Variants in SPTBN1 observed in about 807,000 individuals in gnomAD.
The protein encoded by SPTBN1 is spectrin beta, non-erythrocytic 1.
Under a neutral mutation model 266.4 loss-of-function variants are expected in SPTBN1, and 32 were observed. The observed-to-expected ratio is 0.12, with a 90% CI of 0.09 to 0.16. SPTBN1 has a LOEUF of 0.16. Ranked by LOEUF, SPTBN1 falls within the 10% of genes least tolerant of loss-of-function variation. SPTBN1 has a pLI of 1.00. For synonymous variants in SPTBN1, 1,336 were observed against 1,162.2 expected, an observed-to-expected ratio of 1.15 and a Z score of -3.04; for missense variants, 2,296 against 3,067.1, an observed-to-expected ratio of 0.75 and a Z score of 5.94.
At chr2:54,507,802 C>CT (rs35551436) in intron 1 of SPTBN1, among the ~76,000 whole-genome samples, 65,589 of 139,744 alleles carry the variant, frequency 0.47, 15,459 homozygotes, top group African/African-American at 0.57. Flanking sequence ...ATAGAGTCCC[C>CT]TTTTTTTTTT....
chr2:54,583,917 C>T (rs757221982), intron 2 of SPTBN1, among the ~76,000 whole-genome samples: 3 of 152,076 alleles, frequency 2.0e-5, no homozygotes, highest in South Asian at 2.1e-4. Flanking sequence ...TTAATGGGAA[C>T]GCTCTTTAAA....
intron 4 of SPTBN1, 63 bp from the exon 5 acceptor site, chr2:54,616,144 C>G (rs1406361307): frequency 2.8e-6 from 4 of 1,412,282 alleles, no homozygotes; most frequent in African/African-American, 2.8e-5. Flanking sequence ...CAGACCTGTT[C>G]TTCAGTGGTT....
At chr2:54,667,500 G>T (rs1330056757) in intron 34 of SPTBN1, 104 bp from the exon 35 acceptor site, 12 of 1,108,644 alleles carry the variant, frequency 1.1e-5, no homozygotes, top group African/African-American at 1.6e-5. Flanking sequence ...CGCTTCTGTT[G>T]TGACTCCTGT....
At chr2:54,519,946 A>C (rs1036121816) in intron 1 of SPTBN1, among the ~76,000 whole-genome samples, 3 of 151,862 alleles carry the variant, frequency 2.0e-5, no homozygotes. Context: ...TCAGCGAGGG[A>C]GTGGTGGAGG....
intron 4 of SPTBN1, among the ~76,000 whole-genome samples, chr2:54,613,442 C>A (rs1001533750): frequency 1.5e-4 from 23 of 152,192 alleles, no homozygotes; most frequent in African/African-American, 5.3e-4. Flanking sequence ...TCTCACTTGC[C>A]CTACGATTGG....
intron 3 of SPTBN1, among the ~76,000 whole-genome samples, chr2:54,605,821 A>G (rs1676798356): frequency 6.6e-6 from 1 of 152,030 alleles, no homozygotes; most frequent in African/African-American, 2.4e-5. Flanking sequence ...TATCTTGTTT[A>G]TTCTTGTTAT....
At chr2:54,471,962 C>T (rs1414564526) in intron 1 of SPTBN1, among the ~76,000 whole-genome samples, 1 of 150,872 alleles carries the variant, frequency 6.6e-6, no homozygotes, top group Non-Finnish European at 1.5e-5. Context: ...CTCTGCTCAC[C>T]CAACTCACTG....
chr2:54,665,449 T>TA (rs1386459973), intron 33 of SPTBN1, among the ~76,000 whole-genome samples: 5 of 152,230 alleles, frequency 3.3e-5, no homozygotes, highest in African/African-American at 1.2e-4. Context: ...AAAGGTACTG[T>TA]AAGTGCTGAT....
In SPTBN1 at chr2:54,646,592, A is replaced by G; in HGVS notation, c.4866+117A>G. ...ACTTCCCTTGTAGCCTTTGAGTGTT[A>G]AGGGGACACCATGTGCATGAAGGTG... is the stretch of plus-strand genomic sequence containing the variant. On this transcript the variant is annotated intron_variant, in intron 23 of 35. Transcript: ENST00000356805. This position sits in a 1 kb window ranked among gnomAD's most constrained non-coding sequence, Gnocchi z 4.4. 1.6e-6 allele frequency: 2 copies of G among 1,217,036 alleles called. No individual in the cohort carries two copies. The highest frequency in any genetic ancestry group is 4.1e-5 in the South Asian group (2 of 48,982). 75.4% of individuals were successfully genotyped at this position (1,217,036 alleles called of 1,614,324 possible).
At chr2:54,549,178 A>G (rs1672421702) in intron 2 of SPTBN1, among the ~76,000 whole-genome samples, 1 of 151,530 alleles carries the variant, frequency 6.6e-6, no homozygotes, top group Non-Finnish European at 1.5e-5. Context: ...AATCCCAGCT[A>G]CTCGGAAAGC....
chr2:54,499,518 G>A (rs144333824), intron 1 of SPTBN1, among the ~76,000 whole-genome samples: 7 of 152,228 alleles, frequency 4.6e-5, no homozygotes, highest in Non-Finnish European at 1.0e-4. Context: ...TTGCTAAAAC[G>A]TGGAGCCAAG....
intron 26 of SPTBN1, among the ~76,000 whole-genome samples, chr2:54,650,469 A>G (rs774637869): frequency 1.1e-4 from 16 of 151,842 alleles, no homozygotes; most frequent in Non-Finnish European, 1.9e-4. Flanking sequence ...TAGTAACAAT[A>G]TAACAGAATC....
chr2:54,615,812 A>G (rs1441199457), intron 4 of SPTBN1, among the ~76,000 whole-genome samples: 1 of 152,336 alleles, frequency 6.6e-6, no homozygotes, highest in Middle Eastern at 3.4e-3. Flanking sequence ...GCCCTCATCA[A>G]TGAAGGTTGC....
At chr2:54,573,651 C>T (rs960577174) in intron 2 of SPTBN1, among the ~76,000 whole-genome samples, 29 of 152,188 alleles carry the variant, frequency 1.9e-4, no homozygotes, top group African/African-American at 6.8e-4. Flanking sequence ...AGGTTTTCTG[C>T]GTTAGAAACA....
chr2:54,493,456 A>C (rs1573266333), intron 1 of SPTBN1, among the ~76,000 whole-genome samples: 1 of 151,112 alleles, frequency 6.6e-6, no homozygotes, highest in Non-Finnish European at 1.5e-5. Context: ...CGCAGACTGG[A>C]GTGCAGTGGC....
chr2:54,617,544 G>C, intron 5 of SPTBN1, 64 bp from the exon 6 acceptor site: 3 of 1,516,098 alleles, frequency 2.0e-6, no homozygotes, highest in East Asian at 2.3e-5. Flanking sequence ...CAAAGCACTT[G>C]GCAAAAGTAT....
chr2:54,544,256 A>G (rs370953422), intron 2 of SPTBN1, among the ~76,000 whole-genome samples: 3 of 152,242 alleles, frequency 2.0e-5, no homozygotes, highest in Admixed American at 1.3e-4. Context: ...TCTGATGCCT[A>G]TCTTTGACCT....
chr2:54,574,380 G>T (rs1395752068), intron 2 of SPTBN1, among the ~76,000 whole-genome samples: 1 of 152,082 alleles, frequency 6.6e-6, no homozygotes, highest in African/African-American at 2.4e-5. Flanking sequence ...TATCTTCTTG[G>T]GATCATTTAG....
In SPTBN1 at chr2:54,630,004, G is replaced by A; in HGVS notation, c.2782G>A (p.Ala928Thr). Reference sequence around the variant, plus strand: ...CCACCCAAGTGAGAAGGAAATCAAAGCCCAGCAGGACAAACTCAACACAAG... The same window carrying A: ...CCACCCAAGTGAGAAGGAAATCAAAACCCAGCAGGACAAACTCAACACAAG... ...SGHPSEKEIK[A>T]QQDKLNTRWS... is the part of the protein sequence containing the mutation. The change falls in exon 15 of 36, where the codon GCC becomes ACC. Residue 928 changes from alanine (A) to threonine (T), a missense_variant. Physicochemically the swap from Ala to Thr is moderately conservative, Grantham distance 58 (BLOSUM62 0). This residue lies in a region of SPTBN1 where 128 missense variants were observed against 176.5 expected (regional missense o/e 0.73). Coordinates refer to ENST00000356805, the MANE Select transcript of SPTBN1 (RefSeq NM_003128.3). 1 of 1,614,068 alleles carries A rather than the reference G, an allele frequency of 6.2e-7. No homozygotes were observed. The highest frequency in any genetic ancestry group is 8.5e-7 in the Non-Finnish European group (1 of 1,179,984).
Sources: gnomAD v4.1 joint callset for allele counts (sites outside exome capture counted in the v4.1 genomes callset) on GRCh38, gnomAD v4.1.1 for gene constraint, gnomAD v4.1.1 regional missense constraint, Gnocchi (gnomAD v3.1) non-coding constraint, MANE v1.5 for transcripts, NCBI Gene and HGNC (gene_info 2026-07-23, HGNC 2026-07-21) for gene names.